Variants in COLEC12 observed in about 807,000 individuals in gnomAD.
The protein encoded by COLEC12 is collectin-12.
A neutral mutation model predicts 71.1 loss-of-function variants in COLEC12; 33 were observed. That is an observed-to-expected ratio of 0.46 (90% confidence interval 0.35 to 0.62). COLEC12 has a LOEUF of 0.62. Ranked by LOEUF, COLEC12 falls within the 20% of genes least tolerant of loss-of-function variation. The pLI, the probability that COLEC12 is intolerant of heterozygous loss-of-function variation, is 0.00. For synonymous variants in COLEC12, 350 were observed against 353.0 expected, an observed-to-expected ratio of 0.99 and a Z score of 0.10; for missense variants, 765 against 916.1, an observed-to-expected ratio of 0.84 and a Z score of 2.13.
Position 406,401 on chromosome 18 carries a change from C to G in COLEC12, c.59-48879G>C, listed in dbSNP as rs374059357. On this transcript the variant is annotated intron_variant, in intron 2 of 9. Coordinates refer to ENST00000400256, the MANE Select transcript of COLEC12 (RefSeq NM_130386.3). ...GCGGGCGCCTGTAGTCCCAGCTACT[C>G]GGGAGGCTGAGGCAGGAGAATGGCG... Among the ~76,000 whole-genome samples, 3 of 149,932 alleles carry G rather than the reference C, an allele frequency of 2.0e-5. No homozygotes were observed. In the East Asian group the frequency reaches 6.1e-4, roughly 30 times the overall value.
rs139857674 is a variant in COLEC12, at chr18:474,353, C to T, written c.58+6354G>A. ...CACATAATAGATATCCACGAAGGAGCGTTTAATGGTTTCTTTCACACGACT... is the reference window on the plus strand; with the variant it reads ...CACATAATAGATATCCACGAAGGAGTGTTTAATGGTTTCTTTCACACGACT... On this transcript the variant is annotated intron_variant, in intron 2 of 9. Transcript: ENST00000400256. 7.2e-5 allele frequency among the ~76,000 whole-genome samples: 11 copies of T among 152,274 alleles called. No individual in the cohort carries two copies. In the East Asian group the frequency reaches 2.1e-3, roughly 29 times the overall value.
chr18:456,035 G>A (rs531229210), intron 2 of COLEC12, among the ~76,000 whole-genome samples: 22 of 152,292 alleles, frequency 1.4e-4, no homozygotes, highest in Admixed American at 9.2e-4. Context: ...ATCAGACCAC[G>A]TCAGCCCTCA....
chr18:409,883 G>C (rs2143633481), intron 2 of COLEC12, among the ~76,000 whole-genome samples: 1 of 152,332 alleles, frequency 6.6e-6, no homozygotes, highest in East Asian at 1.9e-4. Context: ...AAGGAGGAAA[G>C]ATCATCTCTG....
chr18:488,742 G>A (rs1917565315), intron 1 of COLEC12, among the ~76,000 whole-genome samples: 1 of 150,908 alleles, frequency 6.6e-6, no homozygotes, highest in African/African-American at 2.4e-5. Flanking sequence ...GCGTGCTGGT[G>A]TGCACCTGTA....
At chr18:460,237 G>A (rs1257796469) in intron 2 of COLEC12, among the ~76,000 whole-genome samples, 2 of 151,818 alleles carry the variant, frequency 1.3e-5, no homozygotes, top group East Asian at 1.9e-4. Flanking sequence ...TTCTTCTTCC[G>A]TGGTCATTCG....
chr18:345,033 G>C (rs567848099), intron 5 of COLEC12, among the ~76,000 whole-genome samples: 1 of 152,304 alleles, frequency 6.6e-6, no homozygotes, highest in Admixed American at 6.5e-5. Context: ...ACCAGTGTGG[G>C]GGACATACCC....
At chr18:360,191 T>TTC (rs1555614414) in intron 2 of COLEC12, among the ~76,000 whole-genome samples, 1 of 151,706 alleles carries the variant, frequency 6.6e-6, no homozygotes, top group Admixed American at 6.6e-5. Context: ...TTTTTTTTTT[T>TTC]TTCTTTTTTG....
intron 2 of COLEC12, among the ~76,000 whole-genome samples, chr18:466,304 C>T (rs1376499515): frequency 6.6e-6 from 1 of 152,156 alleles, no homozygotes; most frequent in Non-Finnish European, 1.5e-5. Context: ...CAGTTAGAGA[C>T]TTCCAGGACC....
At chr18:410,588 T>C (rs1915873843) in intron 2 of COLEC12, among the ~76,000 whole-genome samples, 1 of 151,926 alleles carries the variant, frequency 6.6e-6, no homozygotes. Flanking sequence ...ACAGGCATGC[T>C]GTATTTTTGT....
At chr18:332,152 G>C (rs753961525) in intron 7 of COLEC12, among the ~76,000 whole-genome samples, 1 of 152,234 alleles carries the variant, frequency 6.6e-6, no homozygotes, top group Non-Finnish European at 1.5e-5. Flanking sequence ...CCCACGTGCA[G>C]TGTGTTGCAC....
At chr18:358,634 T>C (rs1914678666) in intron 2 of COLEC12, among the ~76,000 whole-genome samples, 1 of 152,190 alleles carries the variant, frequency 6.6e-6, no homozygotes, top group Admixed American at 6.5e-5. Context: ...ATACAGATGA[T>C]GCTTCACTCA....
chr18:322,948 G>A (rs1408788431), intron 8 of COLEC12, among the ~76,000 whole-genome samples: 1 of 152,194 alleles, frequency 6.6e-6, no homozygotes, highest in African/African-American at 2.4e-5. Context: ...ATGAAGGCCG[G>A]GCGTAGTGGC....
chr18:429,448 CTCG>C (rs1175594522), intron 2 of COLEC12, among the ~76,000 whole-genome samples: 1 of 151,512 alleles, frequency 6.6e-6, no homozygotes, highest in Non-Finnish European at 1.5e-5. Flanking sequence ...ATGGTGCAAT[CTCG>C]GCTCATTGCA....
chr18:489,143 GA>G (rs548281844), intron 1 of COLEC12, among the ~76,000 whole-genome samples: 599 of 151,998 alleles, frequency 3.9e-3, no homozygotes, highest in African/African-American at 0.014. Context: ...CCAGACAGAG[GA>G]AAAAAACAGA....
intron 2 of COLEC12, among the ~76,000 whole-genome samples, chr18:379,723 T>A (rs115276757): frequency 1.3e-5 from 2 of 152,148 alleles, no homozygotes; most frequent in African/African-American, 4.8e-5. Context: ...CAAATCTTCA[T>A]GCATGATGGT....
chr18:452,844 T>A (rs16944732), intron 2 of COLEC12, among the ~76,000 whole-genome samples: 142 of 152,286 alleles, frequency 9.3e-4, no homozygotes, highest in South Asian at 4.4e-3. Flanking sequence ...CCACAGGTGC[T>A]TCCAAGTGGA....
chr18:478,536 C>G (rs1238287608), intron 2 of COLEC12, among the ~76,000 whole-genome samples: 1 of 152,134 alleles, frequency 6.6e-6, no homozygotes, highest in African/African-American at 2.4e-5. Flanking sequence ...TTGCTTGAGC[C>G]CAGGAATTCA....
intron 2 of COLEC12, among the ~76,000 whole-genome samples, chr18:417,557 C>A (rs1432338293): frequency 6.6e-6 from 1 of 152,088 alleles, no homozygotes; most frequent in Non-Finnish European, 1.5e-5. Flanking sequence ...CATCAACATG[C>A]CTGTCTAGTG....
At chr18:447,468 T>C (rs184719886) in intron 2 of COLEC12, among the ~76,000 whole-genome samples, 72 of 152,332 alleles carry the variant, frequency 4.7e-4, no homozygotes, top group African/African-American at 1.6e-3. Context: ...TTGCCTGGCG[T>C]GCTGAGCAGA....
Sources: gnomAD v4.1 joint callset for allele counts (sites outside exome capture counted in the v4.1 genomes callset) on GRCh38, gnomAD v4.1.1 for gene constraint, MANE v1.5 for transcripts, NCBI Gene and HGNC (gene_info 2026-07-23, HGNC 2026-07-21) for gene names.